Variants in E2F3 observed in about 807,000 individuals in gnomAD.
E2F3 encodes transcription factor E2F3.
Under a neutral mutation model 44.4 loss-of-function variants are expected in E2F3, and 11 were observed. The ratio of observed to expected loss-of-function variants is 0.25; its 90% CI spans 0.16 to 0.41. The LOEUF (loss-of-function observed/expected upper bound fraction) is 0.41. E2F3 is among the 10% of genes least tolerant of loss of function. E2F3 has a pLI of 1.00. For synonymous variants in E2F3, 249 were observed against 253.0 expected (o/e 0.98, Z 0.15); for missense variants, 487 against 583.6 (o/e 0.83, Z 1.70).
intron 1 of E2F3, among the ~76,000 whole-genome samples, chr6:20,404,115 G>GC (rs1759410292): frequency 1.3e-5 from 1 of 75,124 alleles, no homozygotes. Context: ...GAAAACCGGA[G>GC]GGGGCTTCTC....
At chr6:20,405,274 G>T (rs1226861305) in intron 1 of E2F3, among the ~76,000 whole-genome samples, 1 of 150,658 alleles carries the variant, frequency 6.6e-6, no homozygotes, top group Non-Finnish European at 1.5e-5. Flanking sequence ...GAATATAAAT[G>T]TTACTCATAT....
chr6:20,476,435 G>A (rs532264566), intron 1 of E2F3, among the ~76,000 whole-genome samples: 2 of 152,252 alleles, frequency 1.3e-5, no homozygotes, highest in South Asian at 2.1e-4. Flanking sequence ...GGAAAGTCTG[G>A]GAAAGACCAA....
intron 4 of E2F3, among the ~76,000 whole-genome samples, chr6:20,485,386 C>G (rs1475594664): frequency 6.6e-6 from 1 of 152,086 alleles, no homozygotes; most frequent in African/African-American, 2.4e-5. Flanking sequence ...CAAGACCAGC[C>G]TGGGCAACAG....
chr6:20,417,331 C>G (rs1759881425), intron 1 of E2F3, among the ~76,000 whole-genome samples: 1 of 152,142 alleles, frequency 6.6e-6, no homozygotes, highest in Non-Finnish European at 1.5e-5. Flanking sequence ...AATCCCAACT[C>G]ATTATAAAAA....
At chr6:20,422,021 T>C (rs1760046496) in intron 1 of E2F3, 1 of 152,268 alleles carries the variant, frequency 6.6e-6, no homozygotes, top group African/African-American at 2.4e-5. Flanking sequence ...AAGCCAGATA[T>C]TGACTTCTCC....
intron 1 of E2F3, among the ~76,000 whole-genome samples, chr6:20,465,097 G>C (rs1397087918): frequency 6.6e-6 from 1 of 152,124 alleles, no homozygotes. Context: ...AGTGCTTAAG[G>C]CTCCCATATC....
chr6:20,446,529 A>C (rs961223592), intron 1 of E2F3, among the ~76,000 whole-genome samples: 1 of 152,178 alleles, frequency 6.6e-6, no homozygotes, highest in African/African-American at 2.4e-5. Context: ...TCTGGACCAG[A>C]AAATGGAAAG....
In E2F3 at chr6:20,479,828, C is replaced by T. The variant is rs373575458; in HGVS notation, c.394-18C>T. ...GTCCATATGACCGGTGACGAGAGAT[C>T]GCACTTTCTTATTACAGGCAAAGCG... is the stretch of plus-strand genomic sequence containing the variant. On this transcript the variant is annotated intron_variant, in intron 1 of 6. Transcript: ENST00000346618. The T allele has an allele frequency of 2.8e-5, 45 of 1,598,198 alleles. No individual in the cohort carries two copies. In the African/African-American group the frequency reaches 4.0e-4, roughly 14 times the overall value.
intron 1 of E2F3, among the ~76,000 whole-genome samples, chr6:20,404,235 C>T (rs1759416822): frequency 6.6e-6 from 1 of 152,142 alleles, no homozygotes; most frequent in African/African-American, 2.4e-5. Flanking sequence ...CCACCCGCCA[C>T]CCCCTCCCTT....
At chr6:20,403,929 T>A in intron 1 of E2F3, 1 of 705,990 alleles carries the variant, frequency 1.4e-6, no homozygotes, top group Non-Finnish European at 2.2e-6. Flanking sequence ...GAGCGGGGTT[T>A]TGGAGTGGGA....
chr6:20,464,466 C>A (rs1056416696), intron 1 of E2F3, among the ~76,000 whole-genome samples: 2 of 152,198 alleles, frequency 1.3e-5, no homozygotes, highest in Non-Finnish European at 2.9e-5. Context: ...ATCCCCATTA[C>A]AGTGTTCCTG....
chr6:20,427,609 A>G (rs1043968453), intron 1 of E2F3, among the ~76,000 whole-genome samples: 1 of 152,094 alleles, frequency 6.6e-6, no homozygotes, highest in Non-Finnish European at 1.5e-5. Flanking sequence ...CACTGTGGCC[A>G]TTGAATTCTT....
chr6:20,413,335 GAGCACA>G (rs760114003), intron 1 of E2F3, among the ~76,000 whole-genome samples: 5 of 152,156 alleles, frequency 3.3e-5, no homozygotes, highest in African/African-American at 7.2e-5. Flanking sequence ...ACGGCTAGTT[GAGCACA>G]GGGAAAAGTT....
At chr6:20,440,436 G>T (rs1057230264) in intron 1 of E2F3, among the ~76,000 whole-genome samples, 12 of 152,152 alleles carry the variant, frequency 7.9e-5, no homozygotes, top group Non-Finnish European at 1.5e-4. Flanking sequence ...GTATTCATTG[G>T]TCCAAAGAAA....
chr6:20,425,808 G>A (rs141452293), intron 1 of E2F3, among the ~76,000 whole-genome samples: 1 of 152,288 alleles, frequency 6.6e-6, no homozygotes, highest in East Asian at 1.9e-4. Context: ...ATTTAAACTG[G>A]GACATTCATG....
rs553584655 is a variant in E2F3 at position 20,473,654 on chromosome 6, C to T, written c.394-6192C>T. Among the ~76,000 whole-genome samples, 7 of 152,244 alleles carry T rather than the reference C, an allele frequency of 4.6e-5. No homozygotes were observed. The South Asian group carries it at 1.2e-3, about 27-fold the overall frequency. ...TGCCTTTGGGTATGGCTGTATCTAG[C>T]ACCTCCCTTGAAGGGATTGGGACTC... On this transcript the variant is annotated intron_variant, in intron 1 of 6. Transcript: ENST00000346618.
At chr6:20,455,660 T>C (rs1761285758) in intron 1 of E2F3, among the ~76,000 whole-genome samples, 1 of 152,164 alleles carries the variant, frequency 6.6e-6, no homozygotes. Flanking sequence ...AACATCCTGT[T>C]TTCCCTCAAG....
intron 1 of E2F3, among the ~76,000 whole-genome samples, chr6:20,415,632 C>G (rs1367322628): frequency 6.6e-6 from 1 of 152,164 alleles, no homozygotes; most frequent in Non-Finnish European, 1.5e-5. Flanking sequence ...TTTGCCTCTT[C>G]TATATATAGT....
chr6:20,442,623 A>G (rs7764857), intron 1 of E2F3, among the ~76,000 whole-genome samples: 114,419 of 152,178 alleles, frequency 0.75, 46,945 homozygotes, highest in East Asian at 0.94. Flanking sequence ...TTCATTGAAC[A>G]GTATAGACAA....
Sources: allele counts gnomAD v4.1 joint callset (sites outside exome capture counted in the v4.1 genomes callset), GRCh38; gene constraint gnomAD v4.1.1; transcripts MANE v1.5; gene names NCBI Gene and HGNC (gene_info 2026-07-23, HGNC 2026-07-21).